SULT6B1: variants seen among roughly 807,000 people sequenced by gnomAD.
SULT6B1 encodes sulfotransferase family 6B member 1.
SULT6B1 carries 44 observed loss-of-function variants against 37.2 expected under a neutral mutation model. The observed-to-expected ratio is 1.18, with a 90% CI of 0.93 to 1.52. The LOEUF is 1.52. Among genes scored for constraint, SULT6B1 ranks in the 40% most tolerant of loss-of-function variants. The pLI is 0.00. For synonymous variants in SULT6B1, 140 were observed against 126.0 expected (o/e 1.11, Z -0.74); for missense variants, 450 against 361.0 (o/e 1.25, Z -2.00).
chr2:37,193,678 G>A (rs1572470369), intron 1 of SULT6B1, among the ~76,000 whole-genome samples: 1 of 151,110 alleles, frequency 6.6e-6, no homozygotes, highest in Admixed American at 6.6e-5. Flanking sequence ...AGGAGAAGAA[G>A]GAGAAAATAT....
intron 2 of SULT6B1, among the ~76,000 whole-genome samples, chr2:37,184,535 CACTT>C (rs1202661017): frequency 6.6e-6 from 1 of 152,170 alleles, no homozygotes; most frequent in African/African-American, 2.4e-5. Context: ...CTGTAGCGGT[CACTT>C]ACTGCTTGGT....
At chr2:37,193,019 G>A (rs1676813442), upstream of SULT6B1, among the ~76,000 whole-genome samples, 2 of 152,124 alleles carry the variant, frequency 1.3e-5, no homozygotes, top group African/African-American at 2.4e-5. Flanking sequence ...AGTCCAGGTG[G>A]GTCTCATGTT....
upstream of SULT6B1, among the ~76,000 whole-genome samples, chr2:37,193,202 T>A (rs1224336881): frequency 1.3e-5 from 2 of 151,218 alleles, no homozygotes; most frequent in Non-Finnish European, 2.9e-5. Flanking sequence ...ACACCTATAA[T>A]ACCAGCACTT....
chr2:37,173,987 T>G (rs754503093), intron 5 of SULT6B1, among the ~76,000 whole-genome samples: 1 of 152,184 alleles, frequency 6.6e-6, no homozygotes, highest in Non-Finnish European at 1.5e-5. Flanking sequence ...GTGAGTGGCA[T>G]ACTCCATCCT....
At chr2:37,185,624 A>C (rs572764135) in intron 2 of SULT6B1, among the ~76,000 whole-genome samples, 1 of 149,008 alleles carries the variant, frequency 6.7e-6, no homozygotes, top group African/African-American at 2.5e-5. Flanking sequence ...AGGCTGAGGC[A>C]GGAGAATTGC....
At chr2:37,186,080 G>A (rs1284103026) in intron 2 of SULT6B1, among the ~76,000 whole-genome samples, 1 of 152,156 alleles carries the variant, frequency 6.6e-6, no homozygotes, top group Admixed American at 6.5e-5. Context: ...CTAATCCATG[G>A]AAATGGGCTT....
intron 6 of SULT6B1, 135 bp from the exon 7 acceptor site, chr2:37,168,200 G>GT (rs1227637232): frequency 1.7e-5 from 15 of 865,158 alleles, no homozygotes; most frequent in East Asian, 1.1e-4. Flanking sequence ...TCTTTATTTA[G>GT]TTTTTTTCAG....
intron 1 of SULT6B1, chr2:37,194,283 T>C (rs888234739): frequency 1.6e-5 from 3 of 187,776 alleles, no homozygotes; most frequent in African/African-American, 7.2e-5. Flanking sequence ...TTTCACCATA[T>C]TGGCCAAGCT....
chr2:37,190,705 A>G (rs1272605943), upstream of SULT6B1, among the ~76,000 whole-genome samples: 2 of 152,154 alleles, frequency 1.3e-5, no homozygotes, highest in Admixed American at 6.5e-5. Flanking sequence ...AAAATTGACC[A>G]TAGCGTTTTT....
intron 1 of SULT6B1, among the ~76,000 whole-genome samples, chr2:37,194,909 CT>C (rs1676873521): frequency 1.0e-4 from 3 of 29,080 alleles, no homozygotes; most frequent in East Asian, 2.4e-3. Context: ...TCCTTCCTTC[CT>C]TCCTTCCTTC....
At position 37,179,497 on chromosome 2, in the gene SULT6B1, A is replaced by T. The variant is rs1231099524; in HGVS notation, c.490T>A (p.Ser164Thr). The T allele has an allele frequency of 6.2e-7, 1 of 1,613,836 alleles. No individual in the cohort carries two copies. Among genetic ancestry groups the T allele is most frequent in the Admixed American group, 1.7e-5 (1 of 59,990 alleles). Residue 164 changes from serine (S) to threonine (T), a missense_variant, in exon 4 of 7, where the codon TCT (serine) becomes ACT (threonine). Ser to Thr is a moderately conservative substitution (Grantham distance 58, BLOSUM62 1). Coordinates refer to ENST00000535679, the MANE Select transcript of SULT6B1 (RefSeq NM_001367551.1). ...AACTGTCTGAAGAATTCATCCCAAGAGCCATAGCTTGGAATATCGGGGACA... is the reference window on the plus strand; with the variant it reads ...AACTGTCTGAAGAATTCATCCCAAGTGCCATAGCTTGGAATATCGGGGACA... ...NDVPDIPSYG[S>T]WDEFFRQFMK...
At chr2:37,172,355 C>A (rs1676323288) in intron 5 of SULT6B1, among the ~76,000 whole-genome samples, 1 of 152,140 alleles carries the variant, frequency 6.6e-6, no homozygotes, top group South Asian at 2.1e-4. Flanking sequence ...ATTTGAATAA[C>A]CTCCTCCCAA....
At chr2:37,194,875 CCCTCCCTT>C (rs757366061) in intron 1 of SULT6B1, 3,802 of 81,554 alleles carry the variant, frequency 0.047, 239 homozygotes, top group Non-Finnish European at 0.067. Flanking sequence ...CTCCCTCCCT[CCCTCCCTT>C]CCTTCCTTCC....
At chr2:37,169,732 A>T (rs1676255141) in intron 6 of SULT6B1, among the ~76,000 whole-genome samples, 1 of 152,160 alleles carries the variant, frequency 6.6e-6, no homozygotes, top group Admixed American at 6.5e-5. Flanking sequence ...TGATCTCATG[A>T]TCCACCTGCC....
upstream of SULT6B1, among the ~76,000 whole-genome samples, chr2:37,192,995 C>A (rs990394752): frequency 1.3e-5 from 2 of 152,166 alleles, no homozygotes; most frequent in Admixed American, 1.3e-4. Flanking sequence ...TATGTTTGAA[C>A]TGTCATACGT....
intron 3 of SULT6B1, 89 bp from the exon 4 acceptor site, chr2:37,179,673 C>G (rs931255806): frequency 1.8e-6 from 2 of 1,127,058 alleles, no homozygotes; most frequent in African/African-American, 3.1e-5. Flanking sequence ...CATGTCCACT[C>G]GTATATTACA....
chr2:37,171,566 T>G lies in SULT6B1; in HGVS notation c.649A>C (p.Ile217Leu). ...KENLAAGIKQ[I>L]AEFLGFFLTG... ...AGAAAGAATCCCAAGAACTCAGCAA[T>G]CTGTTTTATTCCAGCAGCCAGATTC... The change falls in exon 6 of 7, where the codon ATT becomes CTT. Residue 217 changes from isoleucine to leucine, a missense_variant. Physicochemically the swap from Ile to Leu is conservative, Grantham distance 5 (BLOSUM62 2). Transcript: ENST00000535679. 5.6e-6 allele frequency: 9 copies of G among 1,613,148 alleles called. No individual in the cohort carries two copies. Among genetic ancestry groups the G allele is most frequent in the Non-Finnish European group, 6.8e-6 (8 of 1,179,794 alleles).
intron 3 of SULT6B1, among the ~76,000 whole-genome samples, chr2:37,182,692 G>A (rs763100866): frequency 6.6e-6 from 1 of 151,976 alleles, no homozygotes; most frequent in South Asian, 2.1e-4. Flanking sequence ...CAGAAAAAAG[G>A]CACCAAGAAA....
upstream of SULT6B1, chr2:37,188,749 A>T (rs930950752): frequency 1.9e-6 from 1 of 535,592 alleles, no homozygotes; most frequent in African/African-American, 1.9e-5. Flanking sequence ...TCACATGAAA[A>T]AGAAATCATT....
Sources: allele counts gnomAD v4.1 joint callset (sites outside exome capture counted in the v4.1 genomes callset), GRCh38; gene constraint gnomAD v4.1.1; transcripts MANE v1.5; gene names NCBI Gene and HGNC (gene_info 2026-07-23, HGNC 2026-07-21).